The following MAP7D2 variants were observed in gnomAD, a reference collection of about 807,000 sequenced individuals.
The protein encoded by MAP7D2 is MAP7 domain-containing protein 2.
MAP7D2 carries 33 observed loss-of-function variants against 63.5 expected under a neutral mutation model. The ratio of observed to expected loss-of-function variants is 0.52; its 90% CI spans 0.39 to 0.70. The LOEUF is 0.70. Ranked by LOEUF, MAP7D2 falls within the 30% of genes least tolerant of loss-of-function variation. The pLI is 0.00. For missense variants in MAP7D2, 626 were observed against 604.0 expected, an observed-to-expected ratio of 1.04 and a Z score of -0.38; for synonymous variants, 224 against 223.7, an observed-to-expected ratio of 1.00 and a Z score of -0.01.
intron 1 of MAP7D2, 68 bp from the exon 2 acceptor site, chrX:20,064,873 C>T: frequency 2.1e-6 from 2 of 971,738 alleles, no homozygotes; most frequent in South Asian, 4.0e-5. Flanking sequence ...GTACTATAGG[C>T]AACTGGGCAT....
chrX:20,103,750 G>T (rs1316455677), intron 1 of MAP7D2, among the ~76,000 whole-genome samples: 2 of 112,034 alleles, frequency 1.8e-5, no homozygotes, highest in Non-Finnish European at 1.9e-5. Context: ...GTGGCTAGTG[G>T]CCATCATATG....
chrX:20,048,956 C>T (rs148218533), intron 6 of MAP7D2, among the ~76,000 whole-genome samples: 26 of 109,071 alleles, frequency 2.4e-4, no homozygotes, highest in African/African-American at 8.4e-4. Context: ...TATATGTATA[C>T]GTATATGTAT....
chrX:20,049,737 T>G (rs773360354), intron 6 of MAP7D2: 1 of 250,337 alleles, frequency 4.0e-6, no homozygotes, highest in Admixed American at 4.6e-5. Context: ...ACTCTATGCT[T>G]AAGTTTTTGA....
chrX:20,092,869 CT>C (rs944599643), intron 1 of MAP7D2, among the ~76,000 whole-genome samples: 2 of 112,238 alleles, frequency 1.8e-5, no homozygotes, highest in Admixed American at 1.9e-4. Flanking sequence ...TTAAATGTTT[CT>C]GTTGATAGGA....
intron 4 of MAP7D2, among the ~76,000 whole-genome samples, chrX:20,053,619 T>C (rs2065002820): frequency 9.0e-6 from 1 of 111,616 alleles, no homozygotes. Context: ...TTGGTGTTCT[T>C]ACGTTCCAGT....
intron 1 of MAP7D2, among the ~76,000 whole-genome samples, chrX:20,093,435 C>T: frequency 9.0e-6 from 1 of 111,679 alleles, no homozygotes. Context: ...GGCAGAAGGA[C>T]TACCTGAGGT....
At chrX:20,064,196 T>G (rs985026521) in intron 2 of MAP7D2, among the ~76,000 whole-genome samples, 1 of 111,956 alleles carries the variant, frequency 8.9e-6, no homozygotes, top group Non-Finnish European at 1.9e-5. Context: ...ACCTGAAAGC[T>G]CCTCATTTGT....
chrX:20,102,406 C>T (rs1337921397), intron 1 of MAP7D2, among the ~76,000 whole-genome samples: 2 of 110,511 alleles, frequency 1.8e-5, no homozygotes, highest in East Asian at 2.8e-4. Flanking sequence ...GTGAAGAGAA[C>T]AGCATGTACA....
At chrX:20,061,669 C>T (rs2065229000) in intron 3 of MAP7D2, among the ~76,000 whole-genome samples, 1 of 112,547 alleles carries the variant, frequency 8.9e-6, no homozygotes, top group Non-Finnish European at 1.9e-5. Flanking sequence ...TCAGGACCAA[C>T]CATATGGCAT....
chrX:20,015,770 G>T (rs2073364092), intron 11 of MAP7D2, among the ~76,000 whole-genome samples: 1 of 112,364 alleles, frequency 8.9e-6, no homozygotes, highest in Non-Finnish European at 1.9e-5. Context: ...CTGTGTTCCA[G>T]TCACCCACAG....
intron 1 of MAP7D2, among the ~76,000 whole-genome samples, chrX:20,082,010 T>C (rs2065789960): frequency 9.0e-6 from 1 of 111,519 alleles, no homozygotes; most frequent in Admixed American, 9.6e-5. Flanking sequence ...CTTGCTCTCC[T>C]AGCCCTGCTA....
intron 1 of MAP7D2, among the ~76,000 whole-genome samples, chrX:20,065,131 T>C (rs981397767): frequency 2.7e-5 from 3 of 111,636 alleles, no homozygotes; most frequent in Non-Finnish European, 5.7e-5. Flanking sequence ...GGCCTGGCAG[T>C]GTGCAGAGAA....
chrX:20,055,662 G>C (rs1189241196), intron 4 of MAP7D2: 2 of 615,847 alleles, frequency 3.2e-6, no homozygotes, highest in Non-Finnish European at 2.3e-6. Context: ...GCTTGACGCA[G>C]ACATGGTGAT....
intron 8 of MAP7D2, among the ~76,000 whole-genome samples, chrX:20,037,778 G>C (rs917095791): frequency 8.9e-6 from 1 of 111,873 alleles, no homozygotes; most frequent in Admixed American, 9.5e-5. Flanking sequence ...TATGTGGATG[G>C]ACCTCTCTGA....
rs754754419 is a variant in MAP7D2 at position 20,023,542 on chromosome X, G to C, written c.1412+1409C>G. 2.0e-3 allele frequency among the ~76,000 whole-genome samples: 228 copies of C among 112,759 alleles called. 2 individuals are homozygous for C. The highest frequency in any genetic ancestry group is 7.0e-3 in the African/African-American group (217 of 31,092). On this transcript the variant is annotated intron_variant, in intron 10 of 16. Transcript: ENST00000379643. ...AGGAGGAGTGGTAGGTGTGAGGTTTGAAGACTGAATGTGAGTTGAGAAAAT... is the reference window on the plus strand; with the variant it reads ...AGGAGGAGTGGTAGGTGTGAGGTTTCAAGACTGAATGTGAGTTGAGAAAAT...
At chrX:20,013,752 GATA>G in intron 12 of MAP7D2, 127 bp from the exon 13 acceptor site, 1 of 472,739 alleles carries the variant, frequency 2.1e-6, no homozygotes, top group African/African-American at 2.4e-5. Context: ...GTCAGAAGAG[GATA>G]ACAAGTATAG....
chrX:20,018,911 C>G (rs918343206), intron 10 of MAP7D2, among the ~76,000 whole-genome samples: 1 of 111,946 alleles, frequency 8.9e-6, no homozygotes, highest in Admixed American at 9.5e-5. Context: ...AAGAACCAGA[C>G]AGCACATTAG....
intron 1 of MAP7D2, among the ~76,000 whole-genome samples, chrX:20,107,976 C>T (rs916571502): frequency 9.0e-6 from 1 of 111,548 alleles, no homozygotes; most frequent in Non-Finnish European, 1.9e-5. Context: ...TAAGTCTGTC[C>T]ACATGCAATC....
intron 1 of MAP7D2, among the ~76,000 whole-genome samples, chrX:20,101,975 T>G (rs1236964108): frequency 8.9e-6 from 1 of 112,534 alleles, no homozygotes; most frequent in Non-Finnish European, 1.9e-5. Flanking sequence ...TAAATGAATC[T>G]ATTTTAATAC....
Sources: gnomAD v4.1 joint callset for allele counts (sites outside exome capture counted in the v4.1 genomes callset) on GRCh38, gnomAD v4.1.1 for gene constraint, MANE v1.5 for transcripts, NCBI Gene and HGNC (gene_info 2026-07-23, HGNC 2026-07-21) for gene names.